The following WDR41 variants were observed in gnomAD, a reference collection of about 807,000 sequenced individuals.
WDR41 encodes the protein WD repeat-containing protein 41.
In WDR41, 63 loss-of-function variants were observed where a neutral mutation model predicts 69.3. The observed-to-expected ratio is 0.91, with a 90% CI of 0.74 to 1.12. The LOEUF is 1.12. Among genes scored for constraint, WDR41 ranks in the 50% most tolerant of loss-of-function variants. The pLI is 0.00. For synonymous variants in WDR41, 185 were observed against 192.1 expected, an observed-to-expected ratio of 0.96 and a Z score of 0.31; for missense variants, 543 against 534.5, an observed-to-expected ratio of 1.02 and a Z score of -0.16.
chr5:77,595,366 A>G (rs1322330106), intron 1 of WDR41, among the ~76,000 whole-genome samples: 1 of 152,108 alleles, frequency 6.6e-6, no homozygotes, highest in East Asian at 1.9e-4. Flanking sequence ...AAAGCTGCCC[A>G]AGTATAGAAA....
chr5:77,482,118 C>T (rs972080984), intron 2 of WDR41, among the ~76,000 whole-genome samples: 12 of 152,278 alleles, frequency 7.9e-5, no homozygotes, highest in Admixed American at 2.0e-4. Flanking sequence ...TAAAAAGCCA[C>T]ATGTACTCAT....
intron 2 of WDR41, among the ~76,000 whole-genome samples, chr5:77,485,779 G>C (rs1051069771): frequency 6.6e-6 from 1 of 152,026 alleles, no homozygotes. Context: ...CTGTCTGTTA[G>C]GTTATACAGG....
At chr5:77,571,743 T>A (rs924665183) in intron 1 of WDR41, among the ~76,000 whole-genome samples, 4 of 152,212 alleles carry the variant, frequency 2.6e-5, no homozygotes, top group Non-Finnish European at 5.9e-5. Context: ...ATGTTGCTGC[T>A]TTTGAAGTTA....
chr5:77,608,052 C>T (rs1027504405), intron 1 of WDR41, among the ~76,000 whole-genome samples: 1 of 152,132 alleles, frequency 6.6e-6, no homozygotes, highest in Non-Finnish European at 1.5e-5. Flanking sequence ...AAAATTGAAA[C>T]TCACCCATTA....
At chr5:77,433,347 C>T in intron 12 of WDR41, 60 bp from the exon 13 acceptor site, 1 of 1,485,622 alleles carries the variant, frequency 6.7e-7, no homozygotes, top group South Asian at 1.3e-5. Context: ...TGTCTAATAC[C>T]ACATTAACAC....
At chr5:77,449,964 AATACCTACC>A (rs1799559223) in intron 7 of WDR41, 94 bp from the exon 8 acceptor site, 5 of 821,262 alleles carry the variant, frequency 6.1e-6, no homozygotes, top group Non-Finnish European at 9.8e-6. Context: ...TTAAGTGAAA[AATACCTACC>A]ATACTGAAAA....
upstream of WDR41, among the ~76,000 whole-genome samples, chr5:77,494,716 A>T (rs916634391): frequency 6.6e-6 from 1 of 152,212 alleles, no homozygotes; most frequent in East Asian, 1.9e-4. Flanking sequence ...CAATGGTAGC[A>T]GACTTCATCT....
intron 1 of WDR41, among the ~76,000 whole-genome samples, chr5:77,552,937 T>C (rs1002223791): frequency 6.6e-6 from 1 of 152,212 alleles, no homozygotes; most frequent in African/African-American, 2.4e-5. Flanking sequence ...TATAAGACTT[T>C]CAGCAAAACA....
At chr5:77,599,180 C>T (rs1744280918) in intron 1 of WDR41, among the ~76,000 whole-genome samples, 2 of 136,472 alleles carry the variant, frequency 1.5e-5, no homozygotes, top group South Asian at 2.4e-4. Flanking sequence ...ATGGTTATCT[C>T]TTGCTAATCG....
intron 1 of WDR41, among the ~76,000 whole-genome samples, chr5:77,511,647 A>G (rs1802204955): frequency 6.6e-6 from 1 of 152,186 alleles, no homozygotes; most frequent in African/African-American, 2.4e-5. Flanking sequence ...CTGTTCAAAC[A>G]TCCATCCACA....
At chr5:77,532,467 G>T (rs779273475) in intron 1 of WDR41, among the ~76,000 whole-genome samples, 4 of 151,996 alleles carry the variant, frequency 2.6e-5, no homozygotes. Flanking sequence ...CAACATAAAC[G>T]AGTGTACATG....
intron 1 of WDR41, among the ~76,000 whole-genome samples, chr5:77,588,409 C>T (rs1744078121): frequency 6.6e-6 from 1 of 152,160 alleles, no homozygotes; most frequent in Non-Finnish European, 1.5e-5. Context: ...TGTATTGCTT[C>T]ACTTTCCACA....
At chr5:77,525,155 C>A (rs1314149689) in intron 1 of WDR41, among the ~76,000 whole-genome samples, 2 of 152,120 alleles carry the variant, frequency 1.3e-5, no homozygotes, top group South Asian at 2.1e-4. Flanking sequence ...TAGAATAAGA[C>A]AACAGAGAAA....
intron 1 of WDR41, among the ~76,000 whole-genome samples, chr5:77,615,107 T>G (rs1477272350): frequency 6.6e-6 from 1 of 152,150 alleles, no homozygotes; most frequent in Admixed American, 6.6e-5. Flanking sequence ...AAGGTAATGT[T>G]CTAAAACTGG....
intron 2 of WDR41, among the ~76,000 whole-genome samples, chr5:77,486,753 A>G (rs957070969): frequency 3.3e-5 from 5 of 152,202 alleles, no homozygotes; most frequent in African/African-American, 1.2e-4. Context: ...GCATAAGTGA[A>G]TCTAGCCAAG....
At chr5:77,567,468 A>C (rs1743654503) in intron 1 of WDR41, among the ~76,000 whole-genome samples, 1 of 152,058 alleles carries the variant, frequency 6.6e-6, no homozygotes, top group African/African-American at 2.4e-5. Context: ...AGGTTGAAAA[A>C]AGAGCACCAC....
intron 1 of WDR41, among the ~76,000 whole-genome samples, chr5:77,568,807 G>T (rs2112270049): frequency 6.6e-6 from 1 of 152,292 alleles, no homozygotes; most frequent in Non-Finnish European, 1.5e-5. Flanking sequence ...TCCCAGAAAA[G>T]CTCTTTGTGT....
At chr5:77,465,891 T>C (rs1339828732) in intron 2 of WDR41, among the ~76,000 whole-genome samples, 1 of 152,004 alleles carries the variant, frequency 6.6e-6, no homozygotes, top group African/African-American at 2.4e-5. Flanking sequence ...CATGAAATAC[T>C]TTCCTTAACA....
At chr5:77,459,816 C>T (rs1227661568) in intron 4 of WDR41, among the ~76,000 whole-genome samples, 2 of 152,286 alleles carry the variant, frequency 1.3e-5, no homozygotes, top group East Asian at 3.9e-4. Flanking sequence ...TTAACCTTAT[C>T]ATGGCCAATG....
Sources: gnomAD v4.1 joint callset for allele counts (sites outside exome capture counted in the v4.1 genomes callset) on GRCh38, gnomAD v4.1.1 for gene constraint, MANE v1.5 for transcripts, NCBI Gene and HGNC (gene_info 2026-07-23, HGNC 2026-07-21) for gene names.